Variants in HR observed in about 807,000 individuals in gnomAD.
HR encodes the protein HR lysine demethylase and nuclear receptor corepressor.
Under a neutral mutation model 128.6 loss-of-function variants are expected in HR, and 83 were observed. The ratio of observed to expected loss-of-function variants is 0.65; its 90% CI spans 0.54 to 0.77. The LOEUF (loss-of-function observed/expected upper bound fraction) is 0.77, where lower values mean the gene tolerates loss of function less well. Ranked by LOEUF, HR falls within the 30% of genes least tolerant of loss-of-function variation. The pLI is 0.00. For synonymous variants in HR, 681 were observed against 658.2 expected, an observed-to-expected ratio of 1.03 and a Z score of -0.53; for missense variants, 1,490 against 1,574.6, an observed-to-expected ratio of 0.95 and a Z score of 0.91.
Position 22,116,210 on chromosome 8 carries a change from G to A in HR, c.3507+90C>T, listed in dbSNP as rs1826581851. 2 of 1,578,056 alleles carry A rather than the reference G, an allele frequency of 1.3e-6. No homozygotes were observed. Among genetic ancestry groups the A allele is most frequent in the African/African-American group, 1.3e-5 (1 of 74,288 alleles). ...AGGGTGGCTGCCTGCTTGGCACAGG[G>A]TGGGATCTGCTATGTCCACTGCAGC... On this transcript the variant is annotated intron_variant, in intron 18 of 18. Transcript: ENST00000381418. The surrounding 1 kb of genome is among the most constrained non-coding windows in gnomAD (Gnocchi z 4.2).
chr8:22,126,262 C>CG (rs1826888021), intron 3 of HR, among the ~76,000 whole-genome samples: 1 of 143,880 alleles, frequency 7.0e-6, no homozygotes, highest in African/African-American at 2.9e-5. Context: ...ATGCCAGGTG[C>CG]AGGGCATTTG....
At chr8:22,121,509 GA>G (rs1826752742) in intron 9 of HR, 103 bp downstream of exon 9, 1 of 1,186,860 alleles carries the variant, frequency 8.4e-7, no homozygotes, top group Admixed American at 1.7e-5. Context: ...GGGTGGGGGG[GA>G]GTTGCTAAAG....
At chr8:22,122,641 G>C (rs1270466735) in intron 7 of HR, 33 bp from the exon 8 acceptor site, 1 of 1,561,114 alleles carries the variant, frequency 6.4e-7, no homozygotes, top group African/African-American at 1.4e-5. Flanking sequence ...GAGGGAGGTT[G>C]GTGGTGAGTG....
chr8:22,122,382 C>A, intron 8 of HR, 111 bp downstream of exon 8: 1 of 753,324 alleles, frequency 1.3e-6, no homozygotes, highest in Non-Finnish European at 2.2e-6. Flanking sequence ...TAGCCTGATC[C>A]CACAGGCTTC....
At chr8:22,127,000 C>T in intron 3 of HR, 37 bp downstream of exon 3, 2 of 1,588,394 alleles carry the variant, frequency 1.3e-6, no homozygotes. Context: ...GCTGCCCCCT[C>T]CCACGCAGGG....
At chr8:22,123,564 A>G (rs1826807204) in intron 6 of HR, 85 bp downstream of exon 6, 2 of 1,355,620 alleles carry the variant, frequency 1.5e-6, no homozygotes, top group East Asian at 5.0e-5. Context: ...CTTTTTGGGG[A>G]GAGGCAGCCA....
In HR at chr8:22,116,487, C is replaced by A; in HGVS notation, c.3379-59G>T. On this transcript the variant is annotated intron_variant, in intron 17 of 18. Coordinates refer to ENST00000381418, the MANE Select transcript of HR (RefSeq NM_005144.5). This position sits in a 1 kb window ranked among gnomAD's most constrained non-coding sequence, Gnocchi z 4.2. ...GATCACACATCCTCTCCCTGTCCCC[C>A]TGGTCCCTGAGGTTCGCTTCCTCTA... The A allele has an allele frequency of 1.3e-6, 2 of 1,582,764 alleles. No homozygotes were observed. The highest frequency in any genetic ancestry group is 2.3e-5 in the East Asian group (1 of 42,944).
At chr8:22,120,314 C>T (rs1386947286) in intron 12 of HR, 28 bp downstream of exon 12, 1 of 1,613,688 alleles carries the variant, frequency 6.2e-7, no homozygotes, top group Non-Finnish European at 8.5e-7. Flanking sequence ...GCTCCCAGCT[C>T]CCTCTCCCCT....
In HR at chr8:22,127,828, C is replaced by T. The variant is rs746502941; in HGVS notation, c.614G>A (p.Gly205Asp). 7 of 1,598,426 alleles carry T rather than the reference C, an allele frequency of 4.4e-6. No individual in the cohort carries two copies. Among genetic ancestry groups the T allele is most frequent in the Admixed American group, 1.7e-5 (1 of 60,002 alleles). The stretch of plus-strand genomic sequence containing the variant: ...AATGCTCGGATCCTTGTAGTAAAAG[C>T]CCTAAAGAGGGGAGAAAGTGTTACG... ...VPSAFSLGSK[G>D]FYYKDPSIPR... Residue 205 changes from glycine to aspartate, a missense_variant and splice_region_variant, in exon 3 of 19, where the codon GGC becomes GAC. By Grantham distance (94) the Gly-to-Asp change is moderately conservative. This residue lies in a region of HR where 1,060 missense variants were observed against 1,060.9 expected (regional missense o/e 1.00). Coordinates refer to ENST00000381418, the MANE Select transcript of HR (RefSeq NM_005144.5).
chr8:22,125,457 T>C lies in HR; in HGVS notation c.1604A>G (p.Asn535Ser), dbSNP rs759344800. Residue 535 changes from asparagine to serine, a missense_variant, in exon 5 of 19, where the codon AAC becomes AGC. This residue lies in a region of HR where 1,060 missense variants were observed against 1,060.9 expected (regional missense o/e 1.00). Transcript: ENST00000381418. ...CCCTGGGCCTTCCTCAGAGCTGGAG[T>C]TGGTGGCTGTGTCTTCCTCCTGCTG... The part of the protein sequence containing the change: ...ELQQEEDTAT[N>S]SSSEEGPGSG... The C allele has an allele frequency of 1.2e-6, 2 of 1,613,162 alleles. No homozygotes were observed. The highest frequency in any genetic ancestry group is 1.3e-5 in the African/African-American group (1 of 74,880).
chr8:22,123,066 C>T (rs1319052850), intron 6 of HR, among the ~76,000 whole-genome samples, 187 bp from the exon 7 acceptor site: 1 of 152,200 alleles, frequency 6.6e-6, no homozygotes, highest in Non-Finnish European at 1.5e-5. Context: ...CAGACTTTAA[C>T]GTGCTGAGAG....
chr8:22,125,803 C>T (rs979015923), intron 3 of HR, 71 bp from the exon 4 acceptor site: 29 of 1,542,148 alleles, frequency 1.9e-5, no homozygotes, highest in Middle Eastern at 2.1e-4. Flanking sequence ...CTCACCTTAG[C>T]GCCCACCCCA....
In HR at chr8:22,128,769, G is replaced by A. The variant is rs1826969218; in HGVS notation, c.402C>T (p.Asp134=). 6.2e-7 allele frequency: 1 copy of A among 1,608,634 alleles called. No homozygotes were observed. The highest frequency in any genetic ancestry group is 1.1e-5 in the South Asian group (1 of 90,314). The change falls in exon 2 of 19, where the codon GAC becomes GAT. Residue 134 remains aspartate (D), a synonymous_variant. Transcript: ENST00000381418. ...AGTGCCAGGGCCGGAAGGCCACAGGGTCACTCTTGAGATGGCCACCACTAT... is the reference window on the plus strand; with the variant it reads ...AGTGCCAGGGCCGGAAGGCCACAGGATCACTCTTGAGATGGCCACCACTAT... ...PEHSGGHLKS[D]PVAFRPWHCP... is the part of the protein sequence containing the mutation.
At chr8:22,120,662 C>T in intron 11 of HR, 54 bp downstream of exon 11, 3 of 1,528,434 alleles carry the variant, frequency 2.0e-6, no homozygotes, top group Non-Finnish European at 2.6e-6. Flanking sequence ...GACCAAGGCC[C>T]CGAGGGGCAG....
At chr8:22,124,445 G>A (rs887660970) in intron 5 of HR, among the ~76,000 whole-genome samples, 1 of 152,242 alleles carries the variant, frequency 6.6e-6, no homozygotes, top group Non-Finnish European at 1.5e-5. Flanking sequence ...ATTGTTGGTA[G>A]GTGGAAAAGG....
chr8:22,117,298 C>T lies in HR; in HGVS notation c.3214-259G>A, dbSNP rs1826617775. ...TTGGGCAGACTGAATCCCTGCTTTT[C>T]TGGGGCTGGAGGCCTTTAACAGCCT... On this transcript the variant is annotated intron_variant, in intron 16 of 18. Transcript: ENST00000381418. 3 of 471,570 alleles carry T rather than the reference C, an allele frequency of 6.4e-6. 1 individual carries two copies. Among genetic ancestry groups the T allele is most frequent in the Non-Finnish European group, 1.1e-5 (3 of 269,082 alleles). The allele number at this position is 471,570 out of a possible 1,614,324, so 29.2% of individuals were successfully genotyped here. A position where few individuals can be genotyped will look rare whatever the true frequency, so the allele number is the denominator to read the frequency against.
intron 7 of HR, 66 bp from the exon 8 acceptor site, chr8:22,122,674 C>A: frequency 6.7e-7 from 1 of 1,497,356 alleles, no homozygotes; most frequent in Non-Finnish European, 9.1e-7. Context: ...CAGTCCCGGG[C>A]AGCTTGGCCT....
chr8:22,126,678 A>G (rs527449275), intron 3 of HR, among the ~76,000 whole-genome samples: 2 of 152,170 alleles, frequency 1.3e-5, no homozygotes, highest in Admixed American at 1.3e-4. Context: ...CTTCTTCCCC[A>G]TTTTATAGAT....
At position 22,120,333 on chromosome 8, in the gene HR, G is replaced by A; in HGVS notation, c.2776+9C>T. On this transcript the variant is annotated intron_variant, in intron 12 of 18. Coordinates refer to ENST00000381418, the MANE Select transcript of HR (RefSeq NM_005144.5). Reference sequence around the variant, plus strand: ...CCAGCTCCCTCTCCCCTGTGTTGGGGACACTTACGCTCAGGCCAGGAGAAG... The same window carrying A: ...CCAGCTCCCTCTCCCCTGTGTTGGGAACACTTACGCTCAGGCCAGGAGAAG... 3 of 1,613,790 alleles carry A rather than the reference G, an allele frequency of 1.9e-6. No homozygotes were observed. The highest frequency in any genetic ancestry group is 1.1e-5 in the South Asian group (1 of 91,078).
Sources: allele counts gnomAD v4.1 joint callset (sites outside exome capture counted in the v4.1 genomes callset), GRCh38; gene constraint gnomAD v4.1.1; regional missense constraint gnomAD v4.1.1; non-coding constraint Gnocchi (gnomAD v3.1); transcripts MANE v1.5; gene names NCBI Gene and HGNC (gene_info 2026-07-23, HGNC 2026-07-21).